The following DRC11 variants were observed in gnomAD, a reference collection of about 807,000 sequenced individuals.
DRC11 encodes the protein dynein regulatory complex subunit 11.
the DRC11 span, among the ~76,000 whole-genome samples, chr2:236,456,231 T>G: frequency 6.6e-6 from 1 of 152,216 alleles, no homozygotes; most frequent in Non-Finnish European, 1.5e-5. This position sits in a 1 kb window ranked among gnomAD's most constrained non-coding sequence, Gnocchi z 5.4. Flanking sequence ...CTTACAAATC[T>G]ATATTACTCT....
chr2:236,360,355 TTG>T, the DRC11 span, among the ~76,000 whole-genome samples: 2 of 152,222 alleles, frequency 1.3e-5, no homozygotes, highest in Admixed American at 1.3e-4. The surrounding 1 kb of genome is among the most constrained non-coding windows in gnomAD (Gnocchi z 5.8). Context: ...CATAGAGTTG[TTG>T]TAAGGACTGA....
chr2:236,468,398 A>G, the DRC11 span, among the ~76,000 whole-genome samples: 1 of 152,192 alleles, frequency 6.6e-6, no homozygotes. Context: ...GGCTGAGAAC[A>G]TACAACTTTT....
At chr2:236,428,696 C>T in the DRC11 span, among the ~76,000 whole-genome samples, 2 of 152,112 alleles carry the variant, frequency 1.3e-5, no homozygotes, top group East Asian at 3.9e-4. Flanking sequence ...TTCAGCCATG[C>T]TATGTCTTTT....
At chr2:236,475,030 T>C in the DRC11 span, among the ~76,000 whole-genome samples, 7 of 152,254 alleles carry the variant, frequency 4.6e-5, no homozygotes, top group East Asian at 7.7e-4. This position sits in a 1 kb window ranked among gnomAD's most constrained non-coding sequence, Gnocchi z 4.8. Flanking sequence ...TGATTATTGT[T>C]AACTATACTC....
the DRC11 span, among the ~76,000 whole-genome samples, chr2:236,320,640 G>T: frequency 6.6e-6 from 1 of 152,132 alleles, no homozygotes; most frequent in East Asian, 1.9e-4. Context: ...CCACCTGAGA[G>T]GTCAAATTGC....
At chr2:236,474,146 T>C in the DRC11 span, among the ~76,000 whole-genome samples, 78 of 152,266 alleles carry the variant, frequency 5.1e-4, no homozygotes, top group African/African-American at 1.8e-3. Flanking sequence ...TTTTAAAAAC[T>C]GAATCCATAT....
At chr2:236,358,024 A>C in the DRC11 span, among the ~76,000 whole-genome samples, 5 of 79,296 alleles carry the variant, frequency 6.3e-5, no homozygotes, top group Non-Finnish European at 1.3e-4. Flanking sequence ...TATAGATATA[A>C]TATGAATATA....
At chr2:236,318,773 C>T in the DRC11 span, among the ~76,000 whole-genome samples, 8 of 152,228 alleles carry the variant, frequency 5.3e-5, no homozygotes, top group South Asian at 1.5e-3. The surrounding 1 kb of genome is among the most constrained non-coding windows in gnomAD (Gnocchi z 7.0). Context: ...TGTGTGCCGC[C>T]AGATTGACCC....
the DRC11 span, among the ~76,000 whole-genome samples, chr2:236,505,797 C>T: frequency 6.6e-6 from 1 of 152,168 alleles, no homozygotes; most frequent in Non-Finnish European, 1.5e-5. Flanking sequence ...AACGATGTCA[C>T]CCACTTCTCC....
the DRC11 span, among the ~76,000 whole-genome samples, chr2:236,459,619 A>ATACG: frequency 2.5e-4 from 34 of 138,510 alleles, no homozygotes; most frequent in African/African-American, 6.4e-4. Context: ...GTATATAAGT[A>ATACG]TATACATACG....
At chr2:236,505,271 A>G in the DRC11 span, among the ~76,000 whole-genome samples, 1 of 152,198 alleles carries the variant, frequency 6.6e-6, no homozygotes, top group Non-Finnish European at 1.5e-5. Flanking sequence ...AAACACTTGA[A>G]TATTCACTTG....
the DRC11 span, among the ~76,000 whole-genome samples, chr2:236,433,649 T>A: frequency 6.6e-5 from 10 of 152,344 alleles, no homozygotes; most frequent in Non-Finnish European, 1.2e-4. Flanking sequence ...TTATTCTCTT[T>A]GCTTTTTTGC....
At chr2:236,424,944 A>G in the DRC11 span, among the ~76,000 whole-genome samples, 2 of 152,024 alleles carry the variant, frequency 1.3e-5, no homozygotes, top group Non-Finnish European at 2.9e-5. Flanking sequence ...TATTTCACTT[A>G]GCATAACGTC....
At chr2:236,412,135 A>G in the DRC11 span, among the ~76,000 whole-genome samples, 1 of 152,090 alleles carries the variant, frequency 6.6e-6, no homozygotes, top group African/African-American at 2.4e-5. Flanking sequence ...GATTCAAGTG[A>G]TCCTTCCATC....
the DRC11 span, among the ~76,000 whole-genome samples, chr2:236,467,417 C>G: frequency 2.6e-5 from 4 of 152,150 alleles, no homozygotes. Context: ...ATTTCTTTAG[C>G]TTTATCTTCC....
the DRC11 span, among the ~76,000 whole-genome samples, chr2:236,445,381 G>A: frequency 6.6e-6 from 1 of 152,062 alleles, no homozygotes; most frequent in African/African-American, 2.4e-5. The surrounding 1 kb of genome is among the most constrained non-coding windows in gnomAD (Gnocchi z 4.8). Flanking sequence ...CGCCCAGGCT[G>A]GAGTGCAGTG....
chr2:236,431,627 CT>C, the DRC11 span, among the ~76,000 whole-genome samples: 2 of 152,184 alleles, frequency 1.3e-5, no homozygotes, highest in Non-Finnish European at 2.9e-5. This position sits in a 1 kb window ranked among gnomAD's most constrained non-coding sequence, Gnocchi z 4.2. Context: ...TACAGGTTTA[CT>C]TTTTCTAGAC....
At chr2:236,347,834 T>C in the DRC11 span, among the ~76,000 whole-genome samples, 1 of 150,678 alleles carries the variant, frequency 6.6e-6, no homozygotes, top group Admixed American at 6.6e-5. Context: ...AAATACCACC[T>C]GTACCCCCAA....
the DRC11 span, among the ~76,000 whole-genome samples, chr2:236,363,295 A>C: frequency 6.6e-6 from 1 of 152,340 alleles, no homozygotes; most frequent in South Asian, 2.1e-4. This position sits in a 1 kb window ranked among gnomAD's most constrained non-coding sequence, Gnocchi z 5.6. Flanking sequence ...AGCTGCTCGG[A>C]TCCTGTGATA....
Sources: gnomAD v4.1 joint callset for allele counts (sites outside exome capture counted in the v4.1 genomes callset) on GRCh38, gnomAD v4.1.1 for gene constraint, Gnocchi (gnomAD v3.1) non-coding constraint, MANE v1.5 for transcripts, NCBI Gene and HGNC (gene_info 2026-07-23, HGNC 2026-07-21) for gene names.